The following CAMKMT variants were observed in gnomAD, a reference collection of about 807,000 sequenced individuals.
CAMKMT encodes calmodulin-lysine N-methyltransferase.
A neutral mutation model predicts 48.0 loss-of-function variants in CAMKMT; 53 were observed. The ratio of observed to expected loss-of-function variants is 1.10; its 90% CI spans 0.89 to 1.39. CAMKMT has a LOEUF of 1.39. Among genes scored for constraint, CAMKMT ranks in the 40% most tolerant of loss-of-function variants. The pLI, the probability that CAMKMT is intolerant of heterozygous loss-of-function variation, is 0.00. For synonymous variants in CAMKMT, 165 were observed against 152.3 expected (o/e 1.08, Z -0.61); for missense variants, 428 against 402.7 (o/e 1.06, Z -0.54).
chr2:44,521,648 G>A (rs2104798801), intron 3 of CAMKMT, among the ~76,000 whole-genome samples: 1 of 152,298 alleles, frequency 6.6e-6, no homozygotes, highest in South Asian at 2.1e-4. Flanking sequence ...GAATTATGTA[G>A]CTAATAAGTG....
chr2:44,683,655 C>A (rs185109185), intron 3 of CAMKMT, among the ~76,000 whole-genome samples: 141 of 151,818 alleles, frequency 9.3e-4, no homozygotes, highest in African/African-American at 3.4e-3. Flanking sequence ...CCCCTCTCTA[C>A]TAAAAAAATA....
At chr2:44,705,421 G>A (rs967414036) in intron 4 of CAMKMT, 33 of 985,294 alleles carry the variant, frequency 3.3e-5, no homozygotes, top group Non-Finnish European at 4.0e-5. Flanking sequence ...TGCCCTGGAA[G>A]TCTGGCATTT....
intron 3 of CAMKMT, among the ~76,000 whole-genome samples, chr2:44,654,217 C>G (rs1012512200): frequency 1.3e-5 from 2 of 152,038 alleles, no homozygotes; most frequent in African/African-American, 2.4e-5. Context: ...ATTTCCAAAT[C>G]CAGTTGTGGG....
Position 44,715,323 on chromosome 2 carries a change from G to A in CAMKMT, c.593G>A (p.Gly198Asp). 1 of 1,613,398 alleles carries A rather than the reference G, an allele frequency of 6.2e-7. No homozygotes were observed. The change falls in exon 7 of 11, where the codon GGT becomes GAT. Residue 198 changes from glycine to aspartate, a missense_variant. Physicochemically the swap from Gly to Asp is moderately conservative, Grantham distance 94 (BLOSUM62 -1). Coordinates refer to ENST00000378494, the MANE Select transcript of CAMKMT (RefSeq NM_024766.5). The stretch of plus-strand genomic sequence containing the variant: ...ATCATCACAAGGAATCAGAAGGCTG[G>A]TGTGTTTAAGACCCAGAAAATATCA... The part of the protein sequence containing the change: ...QDIITRNQKA[G>D]VFKTQKISSC...
chr2:44,696,367 T>A lies in CAMKMT; in HGVS notation c.377-7916T>A, dbSNP rs548130868. Among the ~76,000 whole-genome samples the A allele has an allele frequency of 3.5e-4, 54 of 152,180 alleles. 1 individual carries two copies. The highest frequency in any genetic ancestry group is 1.2e-3 in the African/African-American group (51 of 41,502). On this transcript the variant is annotated intron_variant, in intron 3 of 10. Coordinates refer to ENST00000378494, the MANE Select transcript of CAMKMT (RefSeq NM_024766.5). ...CAAATTTTGGTATGGAGTGGAGGAG[T>A]CCTAGAACTAATCCCCCACAAATAT...
intron 3 of CAMKMT, among the ~76,000 whole-genome samples, chr2:44,553,548 A>G (rs1172078978): frequency 6.6e-6 from 1 of 152,058 alleles, no homozygotes; most frequent in East Asian, 1.9e-4. Context: ...TTTAATAGAG[A>G]TGGGGTTTTG....
chr2:44,673,241 T>G (rs1189750563), intron 3 of CAMKMT, among the ~76,000 whole-genome samples: 1 of 151,682 alleles, frequency 6.6e-6, no homozygotes, highest in Admixed American at 6.6e-5. Context: ...CCCTGGTCAA[T>G]ACAAGGAGAC....
At chr2:44,680,017 G>A (rs1188880237) in intron 3 of CAMKMT, among the ~76,000 whole-genome samples, 2 of 152,214 alleles carry the variant, frequency 1.3e-5, no homozygotes, top group Non-Finnish European at 2.9e-5. Context: ...TTCCACGGCT[G>A]CCATTACTCC....
At chr2:44,731,212 A>C (rs531039025) in intron 7 of CAMKMT, among the ~76,000 whole-genome samples, 102 of 152,234 alleles carry the variant, frequency 6.7e-4, no homozygotes, top group Middle Eastern at 6.8e-3. Context: ...ATGGTAGCAC[A>C]TGCCTGTAAT....
At chr2:44,569,063 G>A (rs1217531425) in intron 3 of CAMKMT, among the ~76,000 whole-genome samples, 1 of 152,148 alleles carries the variant, frequency 6.6e-6, no homozygotes, top group African/African-American at 2.4e-5. Flanking sequence ...ATGCTAGACA[G>A]GTAGAGCCCC....
Position 44,666,612 on chromosome 2 carries a change from C to CTTTTTTTTTTT in CAMKMT, c.377-37664_377-37654dup, listed in dbSNP as rs1293884982. Among the ~76,000 whole-genome samples the CTTTTTTTTTTT allele has an allele frequency of 8.5e-3, 1,136 of 133,788 alleles. 46 individuals are homozygous for CTTTTTTTTTTT. The highest frequency in any genetic ancestry group is 0.021 in the African/African-American group (716 of 34,048). The allele number at this position is 133,788 out of a possible 152,430, so 87.8% of individuals were successfully genotyped here. A position where few individuals can be genotyped will look rare whatever the true frequency, so the allele number is the denominator to read the frequency against. On this transcript the variant is annotated intron_variant, in intron 3 of 10. Transcript: ENST00000378494. The stretch of plus-strand genomic sequence containing the variant: ...TTGATCTCCTTTTGGCTCCTGGAAT[C>CTTTTTTTTTTT]TTTTTTTTTTTTTTTTTGAGACAGA...
chr2:44,596,305 C>G (rs1318686367), intron 3 of CAMKMT, among the ~76,000 whole-genome samples: 1 of 151,800 alleles, frequency 6.6e-6, no homozygotes, highest in Non-Finnish European at 1.5e-5. Flanking sequence ...CAAAAATTAG[C>G]TGGCGTGGTG....
At chr2:44,482,104 G>A (rs1400222954) in intron 3 of CAMKMT, among the ~76,000 whole-genome samples, 1 of 152,050 alleles carries the variant, frequency 6.6e-6, no homozygotes, top group African/African-American at 2.4e-5. Context: ...GGGAATTTTA[G>A]GGCTTAGAGA....
chr2:44,457,632 C>T (rs1667636316), intron 3 of CAMKMT, among the ~76,000 whole-genome samples: 1 of 152,014 alleles, frequency 6.6e-6, no homozygotes, highest in South Asian at 2.1e-4. Flanking sequence ...CTCCTGACCT[C>T]GTGATCCACC....
At chr2:44,563,045 A>C (rs1398773264) in intron 3 of CAMKMT, among the ~76,000 whole-genome samples, 1 of 152,190 alleles carries the variant, frequency 6.6e-6, no homozygotes, top group Non-Finnish European at 1.5e-5. Flanking sequence ...ACCAACTCCT[A>C]TGCCATAACT....
At chr2:44,686,339 G>A (rs923990630) in intron 3 of CAMKMT, among the ~76,000 whole-genome samples, 1 of 150,674 alleles carries the variant, frequency 6.6e-6, no homozygotes, top group Non-Finnish European at 1.5e-5. Context: ...CTTGCAGTGA[G>A]CTGAGATCAT....
chr2:44,651,491 C>G (rs1237308142), intron 3 of CAMKMT, among the ~76,000 whole-genome samples: 1 of 152,178 alleles, frequency 6.6e-6, no homozygotes, highest in African/African-American at 2.4e-5. Flanking sequence ...TAAGACCAGC[C>G]TGGCCAACGT....
intron 3 of CAMKMT, among the ~76,000 whole-genome samples, chr2:44,576,884 T>C (rs1669253983): frequency 6.6e-6 from 1 of 152,334 alleles, no homozygotes; most frequent in Admixed American, 6.5e-5. Flanking sequence ...ACAAAAATAC[T>C]GCAAGGAATG....
intron 3 of CAMKMT, among the ~76,000 whole-genome samples, chr2:44,658,523 T>C (rs1340567672): frequency 6.6e-6 from 1 of 152,190 alleles, no homozygotes; most frequent in Non-Finnish European, 1.5e-5. Context: ...CGTGAAGACC[T>C]TGACAGAATT....
Sources: allele counts gnomAD v4.1 joint callset (sites outside exome capture counted in the v4.1 genomes callset), GRCh38; gene constraint gnomAD v4.1.1; transcripts MANE v1.5; gene names NCBI Gene and HGNC (gene_info 2026-07-23, HGNC 2026-07-21).